PIN4: variants seen among roughly 807,000 people sequenced by gnomAD.
PIN4 encodes the protein peptidylprolyl cis/trans isomerase, NIMA-interacting 4.
PIN4 carries 3 observed loss-of-function variants against 8.3 expected under a neutral mutation model. The observed-to-expected ratio is 0.36, with a 90% confidence interval of 0.16 to 0.93. PIN4 has a LOEUF of 0.93. PIN4 is among the 40% of genes least tolerant of loss of function. The pLI, the probability that PIN4 is intolerant of heterozygous loss-of-function variation, is 0.44. For synonymous variants in PIN4, 18 were observed against 32.5 expected (o/e 0.55, Z 1.52); for missense variants, 75 against 100.6 (o/e 0.75, Z 1.09).
chrX:72,184,299 G>A (rs752958528), intron 1 of PIN4, among the ~76,000 whole-genome samples: 2 of 111,747 alleles, frequency 1.8e-5, no homozygotes, highest in Non-Finnish European at 3.8e-5. Flanking sequence ...TCAAGGGAGA[G>A]GTTCTGTGAA....
chrX:72,186,340 G>A, intron 1 of PIN4, 121 bp from the exon 2 acceptor site: 1 of 548,241 alleles, frequency 1.8e-6, no homozygotes, highest in Non-Finnish European at 3.2e-6. Context: ...TAAAGTGTCT[G>A]GCCGAGTTCC....
chrX:72,214,681 A>C (rs1383979902), intron 3 of PIN4, among the ~76,000 whole-genome samples: 2 of 100,382 alleles, frequency 2.0e-5, no homozygotes, highest in Admixed American at 2.2e-4. Flanking sequence ...TCAAAAAAAA[A>C]AAAAAAAACA....
intron 2 of PIN4, among the ~76,000 whole-genome samples, chrX:72,187,473 G>A (rs1009554004): frequency 9.0e-6 from 1 of 111,298 alleles, no homozygotes; most frequent in Non-Finnish European, 1.9e-5. Flanking sequence ...TTAGGCTCTG[G>A]GGATTTTTTA....
intron 3 of PIN4, among the ~76,000 whole-genome samples, chrX:72,248,319 A>G (rs199843079): frequency 0.28 from 23,558 of 82,854 alleles, 2,621 homozygotes; most frequent in East Asian, 0.65. Flanking sequence ...AAAAAAAAAA[A>G]AAAAAAAAAA....
intron 3 of PIN4, chrX:72,205,860 A>G: frequency 8.3e-7 from 1 of 1,211,706 alleles, no homozygotes; most frequent in Non-Finnish European, 1.1e-6. Flanking sequence ...CTAAAGACTG[A>G]CTGGAAAAAT....
At chrX:72,220,069 C>T (rs1192322684) in intron 3 of PIN4, among the ~76,000 whole-genome samples, 5 of 110,321 alleles carry the variant, frequency 4.5e-5, no homozygotes, top group Admixed American at 3.9e-4. Context: ...TTTTGTATCA[C>T]GAAAAGGTGC....
At chrX:72,211,755 G>A (rs2034991881) in intron 3 of PIN4, among the ~76,000 whole-genome samples, 1 of 108,283 alleles carries the variant, frequency 9.2e-6, no homozygotes, top group African/African-American at 3.4e-5. Context: ...CTGCACTACA[G>A]CCTGGGTGAC....
intron 3 of PIN4, chrX:72,208,817 A>G (rs1035050325): frequency 2.2e-4 from 125 of 579,902 alleles, no homozygotes; most frequent in Non-Finnish European, 3.3e-4. Context: ...TCAATTCAGG[A>G]TGGGAAAGAT....
intron 1 of PIN4, among the ~76,000 whole-genome samples, chrX:72,182,646 T>C (rs2042679987): frequency 9.0e-6 from 1 of 111,153 alleles, no homozygotes; most frequent in Non-Finnish European, 1.9e-5. Flanking sequence ...TGTTGAGGGA[T>C]GTGTATGGGA....
Position 72,181,770 on chromosome X carries a change from A to T in PIN4, c.-16A>T, listed in dbSNP as rs140494564. ...GGCAACTGGAGCGGTTCAGCGTTCA[A>T]CAACAAGCTTCCAAGATGCCGCCCA... On this transcript the variant is annotated 5_prime_UTR_variant, in exon 1 of 4. Transcript: ENST00000373669. 17 of 1,199,498 alleles carry T rather than the reference A, an allele frequency of 1.4e-5. No homozygotes were observed. Among genetic ancestry groups the T allele is most frequent in the Middle Eastern group, 2.7e-4 (1 of 3,654 alleles).
Position 72,196,771 on chromosome X carries a change from CT to C in PIN4, c.118-9del. On this transcript the variant is annotated splice_polypyrimidine_tract_variant and intron_variant, in intron 2 of 3. Coordinates refer to ENST00000373669, the MANE Select transcript of PIN4 (RefSeq NM_006223.4). ...GGTCTCCAAGTATTACATGAATGTA[CT>C]TTTTCCTTGCAGGTCAGACACATTC... 8.4e-7 allele frequency: 1 copy of C among 1,197,114 alleles called. No homozygotes were observed. Among genetic ancestry groups the C allele is most frequent in the South Asian group, 1.8e-5 (1 of 54,967 alleles).
chrX:72,244,033 AG>A (rs1248159238), intron 3 of PIN4, among the ~76,000 whole-genome samples: 3 of 112,472 alleles, frequency 2.7e-5, no homozygotes, highest in Non-Finnish European at 5.6e-5. Context: ...TGACAGGTGA[AG>A]AAAAGGATTA....
intron 3 of PIN4, chrX:72,205,438 A>G: frequency 8.3e-7 from 1 of 1,211,774 alleles, no homozygotes; most frequent in Non-Finnish European, 1.1e-6. Context: ...TCTTTCCTCC[A>G]TGTCCTCCAC....
intron 3 of PIN4, among the ~76,000 whole-genome samples, chrX:72,222,433 C>T (rs1212009916): frequency 9.0e-6 from 1 of 111,287 alleles, no homozygotes; most frequent in Admixed American, 9.6e-5. Context: ...ATGCAGTCCC[C>T]CATAGAGACA....
rs762739438 is a variant in PIN4 at position 72,227,116 on chromosome X, C to T, written c.312+30212C>T. Among the ~76,000 whole-genome samples, 8 of 111,975 alleles carry T rather than the reference C, an allele frequency of 7.1e-5. No individual in the cohort carries two copies. In the South Asian group the frequency reaches 1.9e-3, roughly 26 times the overall value. On this transcript the variant is annotated intron_variant, in intron 3 of 3. Transcript: ENST00000423432. ...CCATATGCCCCCAGTTAAAAAGGTT[C>T]GGTTTCTTCCAGTTCTCATCAATAC... is the stretch of plus-strand genomic sequence containing the variant.
At chrX:72,215,817 C>T (rs2042884405) in intron 3 of PIN4, among the ~76,000 whole-genome samples, 2 of 110,759 alleles carry the variant, frequency 1.8e-5, no homozygotes, top group East Asian at 2.8e-4. Flanking sequence ...AACTACATCC[C>T]TCCTGAAGTT....
intron 3 of PIN4, among the ~76,000 whole-genome samples, chrX:72,237,342 C>CA (rs747623563): frequency 6.4e-5 from 7 of 110,030 alleles, no homozygotes; most frequent in Admixed American, 9.7e-5. Flanking sequence ...ACTAAAAACA[C>CA]AAAAAAAATA....
chrX:72,217,992 C>T (rs941220806), intron 3 of PIN4, among the ~76,000 whole-genome samples: 3 of 111,211 alleles, frequency 2.7e-5, no homozygotes, highest in Non-Finnish European at 3.8e-5. Flanking sequence ...AGATGGGGGC[C>T]GGGCGCGGTG....
intron 3 of PIN4, chrX:72,204,771 G>A (rs1387000335): frequency 4.4e-6 from 1 of 229,605 alleles, no homozygotes; most frequent in Non-Finnish European, 7.7e-6. Context: ...AACTTTCCAA[G>A]AAACAACACA....
Sources: allele counts gnomAD v4.1 joint callset (sites outside exome capture counted in the v4.1 genomes callset), GRCh38; gene constraint gnomAD v4.1.1; transcripts MANE v1.5; gene names NCBI Gene and HGNC (gene_info 2026-07-23, HGNC 2026-07-21).